GRM5: variants seen among roughly 807,000 people sequenced by gnomAD.
GRM5 encodes metabotropic glutamate receptor 5.
GRM5 carries 19 observed loss-of-function variants against 83.1 expected under a neutral mutation model. The observed-to-expected ratio is 0.23, with a 90% CI of 0.16 to 0.34. GRM5 has a LOEUF of 0.34. GRM5 is among the 10% of genes least tolerant of loss of function. The pLI is 1.00. For synonymous variants in GRM5, 675 were observed against 633.6 expected, an observed-to-expected ratio of 1.07 and a Z score of -0.98; for missense variants, 1,160 against 1,588.3, an observed-to-expected ratio of 0.73 and a Z score of 4.58.
chr11:89,047,855 G>C lies in GRM5; in HGVS notation c.18C>G (p.Ile6Met). 2 of 1,613,598 alleles carry C rather than the reference G, an allele frequency of 1.2e-6. No homozygotes were observed. Among genetic ancestry groups the C allele is most frequent in the Non-Finnish European group, 1.7e-6 (2 of 1,179,612 alleles). The change falls in exon 2 of 10, where the codon ATC (isoleucine) becomes ATG (methionine). Residue 6 changes from isoleucine to methionine, a missense_variant. Ile to Met is a conservative substitution (Grantham distance 10). Transcript: ENST00000305447. This position sits in a 1 kb window ranked among gnomAD's most constrained non-coding sequence, Gnocchi z 5.1. Reference sequence around the variant, plus strand: ...CTTCTTTCAAAAGTAAGACTGACAGGATCAACAGAAGGACCATTTTAGGAA... The same window carrying C: ...CTTCTTTCAAAAGTAAGACTGACAGCATCAACAGAAGGACCATTTTAGGAA... MVLLL[I>M]LSVLLLKEDV...
At chr11:88,631,982 G>T (rs368457566) in intron 4 of GRM5, among the ~76,000 whole-genome samples, 1 of 152,038 alleles carries the variant, frequency 6.6e-6, no homozygotes, top group African/African-American at 2.4e-5. Flanking sequence ...TTCTGAACAG[G>T]TTTATTAAAG....
At chr11:88,775,890 G>A (rs959481780) in intron 3 of GRM5, among the ~76,000 whole-genome samples, 2 of 116,942 alleles carry the variant, frequency 1.7e-5, no homozygotes, top group Non-Finnish European at 4.6e-5. Flanking sequence ...TAAGTGCAAT[G>A]TGTTGCTGAG....
intron 4 of GRM5, among the ~76,000 whole-genome samples, chr11:88,614,572 T>A (rs1486914295): frequency 6.6e-6 from 1 of 152,146 alleles, no homozygotes; most frequent in Non-Finnish European, 1.5e-5. Context: ...AAAGGCAATT[T>A]TGAGCCTTTT....
intron 5 of GRM5, among the ~76,000 whole-genome samples, chr11:88,602,406 C>A (rs1310411810): frequency 6.6e-6 from 1 of 152,106 alleles, no homozygotes; most frequent in Non-Finnish European, 1.5e-5. Flanking sequence ...TTAAAACGTG[C>A]TAACAGTCTG....
intron 3 of GRM5, among the ~76,000 whole-genome samples, chr11:88,684,730 C>T (rs1299652836): frequency 2.0e-5 from 3 of 152,112 alleles, no homozygotes; most frequent in African/African-American, 4.8e-5. Flanking sequence ...GCAGTTCCCC[C>T]GATACTGTTC....
intron 2 of GRM5, among the ~76,000 whole-genome samples, chr11:89,001,164 A>G (rs916713919): frequency 6.6e-6 from 1 of 152,112 alleles, no homozygotes; most frequent in African/African-American, 2.4e-5. Context: ...GTGGAAAAAA[A>G]AATTGCCAAA....
At chr11:88,924,242 GT>G in intron 2 of GRM5, among the ~76,000 whole-genome samples, 1 of 65,172 alleles carries the variant, frequency 1.5e-5, no homozygotes, top group African/African-American at 5.2e-5. Flanking sequence ...TTGGAAAATA[GT>G]TTGGAGCTTC....
chr11:88,722,112 G>C (rs1226328566), intron 3 of GRM5, among the ~76,000 whole-genome samples: 1 of 152,070 alleles, frequency 6.6e-6, no homozygotes, highest in East Asian at 1.9e-4. Flanking sequence ...GTTCACATTT[G>C]GTCAAAATTT....
intron 3 of GRM5, among the ~76,000 whole-genome samples, chr11:88,668,215 C>T (rs980427923): frequency 6.7e-6 from 1 of 149,898 alleles, no homozygotes; most frequent in Non-Finnish European, 1.5e-5. Flanking sequence ...GAAACTCGCA[C>T]ACACACACAC....
At chr11:88,684,471 A>G (rs555231695) in intron 3 of GRM5, among the ~76,000 whole-genome samples, 1 of 152,344 alleles carries the variant, frequency 6.6e-6, no homozygotes, top group East Asian at 1.9e-4. Flanking sequence ...GAAGGTAAAC[A>G]CAATGTAATT....
intron 2 of GRM5, among the ~76,000 whole-genome samples, chr11:88,865,052 A>G (rs1343141027): frequency 6.6e-6 from 1 of 152,092 alleles, no homozygotes; most frequent in African/African-American, 2.4e-5. Flanking sequence ...GCTCAAACAA[A>G]TAAGAGAGGA....
At chr11:88,904,535 T>C (rs1359580109) in intron 2 of GRM5, among the ~76,000 whole-genome samples, 3 of 152,168 alleles carry the variant, frequency 2.0e-5, no homozygotes, top group Non-Finnish European at 1.5e-5. Context: ...TTCTATCCCT[T>C]AGTTTCTTTT....
chr11:88,905,216 T>G (rs1945382465), intron 2 of GRM5, among the ~76,000 whole-genome samples: 1 of 152,290 alleles, frequency 6.6e-6, no homozygotes, highest in East Asian at 1.9e-4. Context: ...CATCTCTGAG[T>G]ACATGTTCCC....
At position 88,507,034 on chromosome 11, in the gene GRM5, C is replaced by G. The variant is rs1941199521; in HGVS notation, c.*1558G>C. 6.7e-6 allele frequency: 1 copy of G among 150,330 alleles called. No homozygotes were observed. Among genetic ancestry groups the G allele is most frequent in the Admixed American group, 6.6e-5 (1 of 15,202 alleles). The allele number at this position is 150,330 out of a possible 1,614,324, so 9.3% of individuals were successfully genotyped here. A position where few individuals can be genotyped will look rare whatever the true frequency, so the allele number is the denominator to read the frequency against. The stretch of plus-strand genomic sequence containing the variant: ...TTTATTACTATCCTTATTTAAAAAT[C>G]AAAACATTTGGTACCTGAGGATAGC... On this transcript the variant is annotated 3_prime_UTR_variant, in exon 10 of 10. Coordinates refer to ENST00000305447, the MANE Select transcript of GRM5 (RefSeq NM_001143831.3).
chr11:88,893,850 G>A (rs529262299), intron 2 of GRM5, among the ~76,000 whole-genome samples: 6 of 151,916 alleles, frequency 3.9e-5, no homozygotes, highest in African/African-American at 1.4e-4. Context: ...AGCAGTTAGG[G>A]TTACCACTCC....
intron 3 of GRM5, among the ~76,000 whole-genome samples, chr11:88,654,479 G>A (rs951739322): frequency 3.3e-5 from 5 of 152,164 alleles, no homozygotes; most frequent in African/African-American, 9.6e-5. Context: ...AAGTGCAAGT[G>A]CTTGTAAAGG....
chr11:88,775,781 T>G, intron 3 of GRM5, among the ~76,000 whole-genome samples: 1 of 152,230 alleles, frequency 6.6e-6, no homozygotes, highest in Non-Finnish European at 1.5e-5. Context: ...GAGTACTAAT[T>G]TGATTGCACT....
At chr11:88,890,839 A>G (rs954270918) in intron 2 of GRM5, among the ~76,000 whole-genome samples, 5 of 152,114 alleles carry the variant, frequency 3.3e-5, no homozygotes, top group Non-Finnish European at 5.9e-5. Context: ...AAAACTTGCT[A>G]AGAGTTAACA....
chr11:88,674,260 CTA>C (rs1940267462), intron 3 of GRM5, among the ~76,000 whole-genome samples: 1 of 151,900 alleles, frequency 6.6e-6, no homozygotes, highest in South Asian at 2.1e-4. Context: ...TTCTTCCTCT[CTA>C]TCCTCTAGGT....
Sources: gnomAD v4.1 joint callset for allele counts (sites outside exome capture counted in the v4.1 genomes callset) on GRCh38, gnomAD v4.1.1 for gene constraint, Gnocchi (gnomAD v3.1) non-coding constraint, MANE v1.5 for transcripts, NCBI Gene and HGNC (gene_info 2026-07-23, HGNC 2026-07-21) for gene names.